C1S: variants seen among roughly 807,000 people sequenced by gnomAD.
C1S encodes the protein complement C1s, also known as complement C1s subcomponent.
A neutral mutation model predicts 54.0 loss-of-function variants in C1S; 31 were observed. The ratio of observed to expected loss-of-function variants is 0.57; its 90% CI spans 0.43 to 0.78. The LOEUF (loss-of-function observed/expected upper bound fraction) is 0.78. Among genes scored for constraint, C1S ranks in the 30% least tolerant of loss-of-function variants. C1S has a pLI of 0.00. For missense variants in C1S, 727 were observed against 851.8 expected, an observed-to-expected ratio of 0.85 and a Z score of 1.82; for synonymous variants, 292 against 303.6, an observed-to-expected ratio of 0.96 and a Z score of 0.40.
intron 7 of C1S, 152 bp from the exon 8 acceptor site, chr12:7,066,366 A>G: frequency 5.7e-6 from 4 of 700,224 alleles, no homozygotes; most frequent in African/African-American, 1.7e-5. Context: ...GTAATGCCAT[A>G]TGATTTTAGA....
At position 7,065,849 on chromosome 12, in the gene C1S, C is replaced by G. The variant is rs1182171879; in HGVS notation, c.750C>G (p.Tyr250Ter). Reference protein sequence around the residue: ...FVAGDRQFGPYCGHGFPGPLN... With the variant: ...FVAGDRQFGP The stretch of plus-strand genomic sequence containing the variant: ...CAGGAGATCGGCAATTTGGTCCTTA[C>G]TGTGGTCATGGATTCCCTGGGCCTC... The change falls in exon 7 of 12, where the codon TAC (tyrosine) becomes TAG (stop). Residue 250 changes from tyrosine to a stop codon, truncating the protein, a stop_gained. Transcript: ENST00000360817. LOFTEE classifies it high-confidence loss of function. The G allele has an allele frequency of 3.7e-6, 6 of 1,612,770 alleles. No homozygotes were observed. The highest frequency in any genetic ancestry group is 4.2e-6 in the Non-Finnish European group (5 of 1,179,646).
Position 7,062,683 on chromosome 12 carries a change from G to T in C1S, c.213+1G>T, listed in dbSNP as rs112558253. 1.9e-6 allele frequency: 3 copies of T among 1,612,328 alleles called. No homozygotes were observed. The highest frequency in any genetic ancestry group is 1.3e-5 in the African/African-American group (1 of 74,890). On this transcript the variant is annotated splice_donor_variant, in intron 3 of 11. Transcript: ENST00000360817. LOFTEE classifies it high-confidence loss of function. ...GAACTGTGCGTATGACTCAGTGCAGGTATGTTATAAGCACAAAAAGAATAG... is the reference window on the plus strand; with the variant it reads ...GAACTGTGCGTATGACTCAGTGCAGTTATGTTATAAGCACAAAAAGAATAG...
rs1947142392 is a variant in C1S, at chr12:7,064,351, C to T, written c.476C>T (p.Pro159Leu). The change falls in exon 5 of 12, where the codon CCC (proline) becomes CTC (leucine). Residue 159 changes from proline to leucine, a missense_variant. By Grantham distance (98) the Pro-to-Leu change is moderately conservative. Coordinates refer to ENST00000360817, the MANE Select transcript of C1S (RefSeq NM_001734.5). ...ATTGGTGGTTACTTCTGCTCCTGCC[C>T]CCCGGAATATTTCCTCCATGATGAC... ...NFIGGYFCSC[P>L]PEYFLHDDMK... 1.2e-6 allele frequency: 2 copies of T among 1,614,076 alleles called. No homozygotes were observed. The highest frequency in any genetic ancestry group is 1.7e-6 in the Non-Finnish European group (2 of 1,179,998).
At chr12:7,063,096 AT>A (rs781981074) in intron 4 of C1S, 29 bp downstream of exon 4, 1 of 1,594,966 alleles carries the variant, frequency 6.3e-7, no homozygotes, top group Non-Finnish European at 8.6e-7. Context: ...CATGTGCCTT[AT>A]TGACCCAGCT....
rs1242731599 is a variant in C1S, at chr12:7,065,843, T to C, written c.744T>C (p.Gly248=). The part of the protein sequence containing the change: ...LVFVAGDRQF[G]PYCGHGFPGP... The stretch of plus-strand genomic sequence containing the variant: ...TTGTTGCAGGAGATCGGCAATTTGG[T>C]CCTTACTGTGGTCATGGATTCCCTG... Residue 248 remains glycine, a synonymous_variant, in exon 7 of 12, where the codon GGT becomes GGC. Transcript: ENST00000360817. 6.2e-7 allele frequency: 1 copy of C among 1,613,930 alleles called. No homozygotes were observed. The highest frequency in any genetic ancestry group is 8.5e-7 in the Non-Finnish European group (1 of 1,179,806).
intron 8 of C1S, 97 bp downstream of exon 8, chr12:7,066,730 C>G (rs1046250658): frequency 5.9e-5 from 46 of 781,848 alleles, no homozygotes; most frequent in Non-Finnish European, 1.0e-4. Context: ...TGTGTGTGAT[C>G]AAGGTATAAC....
intron 8 of C1S, 156 bp downstream of exon 8, chr12:7,066,789 A>G: frequency 1.4e-6 from 1 of 715,226 alleles, no homozygotes; most frequent in South Asian, 1.5e-5. Context: ...CTCCCTTGTG[A>G]GTCATGGAGC....
chr12:7,070,639 C>A lies in C1S; in HGVS notation c.2055C>A (p.Pro685=), dbSNP rs1555163153. The part of the protein sequence containing the change: ...IMKTMQENST[P]RED ...AGACTATGCAGGAAAATAGCACCCC[C>A]CGTGAGGACTAATCCAGATACATCC... The change falls in exon 12 of 12, where the codon CCC becomes CCA. Residue 685 remains proline (P), a synonymous_variant. Coordinates refer to ENST00000360817, the MANE Select transcript of C1S (RefSeq NM_001734.5). The surrounding 1 kb of genome is among the most constrained non-coding windows in gnomAD (Gnocchi z 4.9). The A allele has an allele frequency of 2.5e-6, 4 of 1,613,784 alleles. No individual in the cohort carries two copies. The highest frequency in any genetic ancestry group is 2.5e-6 in the Non-Finnish European group (3 of 1,179,912).
intron 11 of C1S, 138 bp downstream of exon 11, chr12:7,068,668 CTG>C (rs1555162709): frequency 1.4e-6 from 1 of 696,454 alleles, no homozygotes; most frequent in African/African-American, 1.7e-5. Flanking sequence ...GGCAGTATCA[CTG>C]TGCCGTGGGC....
rs781983237 is a variant in C1S at position 7,067,735 on chromosome 12, G to C, written c.1159G>C (p.Glu387Gln). The change falls in exon 10 of 12, where the codon GAG becomes CAG. Residue 387 changes from glutamate (E) to glutamine (Q), a missense_variant. Physicochemically the swap from Glu to Gln is conservative, Grantham distance 29. This residue lies in a region of C1S where 360 missense variants were observed against 453.6 expected (regional missense o/e 0.79). Transcript: ENST00000360817. Reference sequence around the variant, plus strand: ...TGGTTCTGTCATCCGCTACACTTGTGAGGAGCCATATTACTACATGGAAAA... The same window carrying C: ...TGGTTCTGTCATCCGCTACACTTGTCAGGAGCCATATTACTACATGGAAAA... ...LFGSVIRYTC[E>Q]EPYYYMENGG... The C allele has an allele frequency of 6.2e-7, 1 of 1,614,058 alleles. No individual in the cohort carries two copies. The highest frequency in any genetic ancestry group is 8.5e-7 in the Non-Finnish European group (1 of 1,179,928).
Position 7,065,966 on chromosome 12 carries a change from A to G in C1S, c.867A>G (p.Gly289=). 6.2e-7 allele frequency: 1 copy of G among 1,613,870 alleles called. No individual in the cohort carries two copies. ...QKKGWKLRYH[G]DPMPCPKEDT... ...AGGGCTGGAAACTTCGCTATCATGGAGATCGTGAGTAACTTAGAAGTGCCT... is the reference window on the plus strand; with the variant it reads ...AGGGCTGGAAACTTCGCTATCATGGGGATCGTGAGTAACTTAGAAGTGCCT... Residue 289 remains glycine, a synonymous_variant, in exon 7 of 12, where the codon GGA becomes GGG. Coordinates refer to ENST00000360817, the MANE Select transcript of C1S (RefSeq NM_001734.5).
intron 4 of C1S, chr12:7,063,818 A>G (rs1259615709): frequency 1.1e-5 from 4 of 358,202 alleles, no homozygotes; most frequent in Non-Finnish European, 2.2e-5. Flanking sequence ...GGAGCCCAGG[A>G]GTTCAAGACC....
intron 4 of C1S, chr12:7,063,365 C>G: frequency 2.0e-6 from 1 of 495,858 alleles, no homozygotes; most frequent in South Asian, 1.6e-5. Flanking sequence ...ACACAATCGT[C>G]ACTTTAATCC....
Position 7,070,040 on chromosome 12 carries a change from T to C in C1S, c.1456T>C (p.Tyr486His). The C allele has an allele frequency of 6.2e-7, 1 of 1,614,022 alleles. No individual in the cohort carries two copies. Among genetic ancestry groups the C allele is most frequent in the Non-Finnish European group, 8.5e-7 (1 of 1,179,898 alleles). Residue 486 changes from tyrosine (Y) to histidine (H), a missense_variant, in exon 12 of 12, where the codon TAT becomes CAT. Physicochemically the swap from Tyr to His is moderately conservative, Grantham distance 83. Around this residue, in one of 3 missense-constraint regions of C1S, gnomAD observed 360 missense variants for 453.6 expected, o/e 0.79. Transcript: ENST00000360817. The surrounding 1 kb of genome is among the most constrained non-coding windows in gnomAD (Gnocchi z 4.9). ...VVEGNREPTMYVGSTSVQTSR... is the reference protein window; with the variant it reads ...VVEGNREPTMHVGSTSVQTSR... The stretch of plus-strand genomic sequence containing the variant: ...GGAGGGAAACAGGGAGCCAACAATG[T>C]ATGTTGGGTCCACCTCAGTGCAGAC...
chr12:7,062,969 A>G lies in C1S; in HGVS notation c.293A>G (p.Glu98Gly). Residue 98 changes from glutamate to glycine, a missense_variant, in exon 4 of 12, where the codon GAG becomes GGG. Around this residue, in one of 3 missense-constraint regions of C1S, gnomAD observed 357 missense variants for 365.4 expected, o/e 0.98. Coordinates refer to ENST00000360817, the MANE Select transcript of C1S (RefSeq NM_001734.5). The stretch of plus-strand genomic sequence containing the variant: ...AATCCCCACTCTCCAATTGTGGAAG[A>G]GTTCCAAGTCCCATACAACAAACTC... The part of the protein sequence containing the change: ...SNNPHSPIVE[E>G]FQVPYNKLQV... The G allele has an allele frequency of 6.2e-7, 1 of 1,614,078 alleles. No individual in the cohort carries two copies. Among genetic ancestry groups the G allele is most frequent in the Non-Finnish European group, 8.5e-7 (1 of 1,179,938 alleles).
chr12:7,069,239 TA>T (rs2135728694), intron 11 of C1S, among the ~76,000 whole-genome samples: 1 of 152,332 alleles, frequency 6.6e-6, no homozygotes, highest in South Asian at 2.1e-4. Flanking sequence ...GGGATTTAAG[TA>T]AGCAGCTTCA....
intron 4 of C1S, chr12:7,064,047 C>CACACACA (rs782576639): frequency 2.2e-4 from 135 of 602,880 alleles, no homozygotes; most frequent in Non-Finnish European, 2.9e-4. Context: ...CACACACACA[C>CACACACA]CCCCGAGCTT....
intron 5 of C1S, 117 bp downstream of exon 5, chr12:7,064,509 CT>C: frequency 2.2e-6 from 2 of 911,244 alleles, no homozygotes; most frequent in Non-Finnish European, 1.6e-6. Flanking sequence ...TTTGGCACTT[CT>C]TTTTTATTTT....
Position 7,066,958 on chromosome 12 carries a change from G to T in C1S, c.988-81G>T, listed in dbSNP as rs1338505719. On this transcript the variant is annotated intron_variant, in intron 8 of 11. Transcript: ENST00000360817. ...TGGTGAGGACTCCTCATTGATCCAA[G>T]GCCAGAGATCAATTCCAGTTTTGAT... 8 of 1,027,574 alleles carry T rather than the reference G, an allele frequency of 7.8e-6. No homozygotes were observed. In the Admixed American group the frequency reaches 1.2e-4, roughly 15 times the overall value. The allele number at this position is 1,027,574 out of a possible 1,614,324, so 63.7% of individuals were successfully genotyped here.
Sources: gnomAD v4.1 joint callset for allele counts (sites outside exome capture counted in the v4.1 genomes callset) on GRCh38, gnomAD v4.1.1 for gene constraint, gnomAD v4.1.1 regional missense constraint, Gnocchi (gnomAD v3.1) non-coding constraint, MANE v1.5 for transcripts, NCBI Gene and HGNC (gene_info 2026-07-23, HGNC 2026-07-21) for gene names.